Variants in KARS1 observed in about 807,000 individuals in gnomAD.
The protein encoded by KARS1 is lysine--tRNA ligase.
In KARS1, 50 loss-of-function variants were observed where a neutral mutation model predicts 63.9. The ratio of observed to expected loss-of-function variants is 0.78; its 90% CI spans 0.62 to 0.99. The LOEUF (loss-of-function observed/expected upper bound fraction) is 0.99, where lower values mean the gene tolerates loss of function less well. KARS1 is among the 50% of genes least tolerant of loss of function. KARS1 has a pLI of 0.00. For missense variants in KARS1, 816 were observed against 754.5 expected, an observed-to-expected ratio of 1.08 and a Z score of -0.95; for synonymous variants, 320 against 264.6, an observed-to-expected ratio of 1.21 and a Z score of -2.03.
At chr16:75,644,230 G>A (rs2082255759) in intron 1 of KARS1, 1 of 1,508,468 alleles carries the variant, frequency 6.6e-7, no homozygotes, top group African/African-American at 1.4e-5. Context: ...AATGAACCAA[G>A]TAAGGAAATA....
chr16:75,634,061 T>C, intron 7 of KARS1, 112 bp downstream of exon 7: 1 of 1,189,310 alleles, frequency 8.4e-7, no homozygotes, highest in Non-Finnish European at 1.2e-6. Flanking sequence ...CAGAACACTT[T>C]CTTGGCTGCT....
chr16:75,639,701 T>C (rs2082202130), intron 3 of KARS1: 1 of 159,232 alleles, frequency 6.3e-6, no homozygotes, highest in African/African-American at 2.4e-5. Flanking sequence ...ACCTTCTCTC[T>C]GTGCTTCTTT....
chr16:75,631,770 T>C lies in KARS1; in HGVS notation c.1001A>G (p.Glu334Gly). ...CATGTAGAACTCACAGGTGGTGAAC[T>C]CAGGATTGTGCGTCAAATCAATCCC... ...NEGIDLTHNP[E>G]FTTCEFYMAY... Residue 334 changes from glutamate to glycine, a missense_variant, in exon 8 of 14, where the codon GAG becomes GGG. Physicochemically the swap from Glu to Gly is moderately conservative, Grantham distance 98 (BLOSUM62 -2). Transcript: ENST00000302445. 1 of 1,614,202 alleles carries C rather than the reference T, an allele frequency of 6.2e-7. No homozygotes were observed. Among genetic ancestry groups the C allele is most frequent in the Non-Finnish European group, 8.5e-7 (1 of 1,180,014 alleles).
chr16:75,640,220 C>T lies in KARS1; in HGVS notation c.352G>A (p.Gly118Arg). ...AAGGTGATGTCAGTCAGGTGATCCCCAGGCTGCAGGTGACTATATTTTTGG... is the reference window on the plus strand; with the variant it reads ...AAGGTGATGTCAGTCAGGTGATCCCTAGGCTGCAGGTGACTATATTTTTGG... ...FIQKYSHLQPGDHLTDITLKV... is the reference protein window; with the variant it reads ...FIQKYSHLQPRDHLTDITLKV... Residue 118 changes from glycine (G) to arginine (R), a missense_variant, in exon 3 of 14, where the codon GGG becomes AGG. Gly to Arg is a moderately radical substitution (Grantham distance 125). Transcript: ENST00000302445. 6.2e-7 allele frequency: 1 copy of T among 1,614,140 alleles called. No homozygotes were observed.
intron 1 of KARS1, chr16:75,644,164 G>C (rs181318295): frequency 1.2e-6 from 1 of 815,372 alleles, no homozygotes; most frequent in Admixed American, 2.5e-5. Context: ...TTTGGTATTA[G>C]GGCTCCTTGT....
In KARS1 at chr16:75,647,617, TCGGCCGCCTGCA is replaced by T. The variant is rs1208113114; in HGVS notation, c.11_22del (p.Val4_Ala7del). The T allele has an allele frequency of 6.2e-7, 1 of 1,613,220 alleles. No homozygotes were observed. Among genetic ancestry groups the T allele is most frequent in the Non-Finnish European group, 8.5e-7 (1 of 1,179,816 alleles). On this transcript the variant is annotated inframe_deletion, in exon 1 of 14. Coordinates refer to ENST00000302445, the MANE Select transcript of KARS1 (RefSeq NM_005548.3). ...CGGCTCGCTGCCATCCACTTTCACC[TCGGCCGCCTGCA>T]CGGCCGCCATCTTCCCGGAGGGCCC...
chr16:75,627,881 G>A lies in KARS1; in HGVS notation c.*14C>T, dbSNP rs1228748317. 5 of 1,418,142 alleles carry A rather than the reference G, an allele frequency of 3.5e-6. No individual in the cohort carries two copies. The South Asian group carries it at 5.7e-5, about 16-fold the overall frequency. The allele number at this position is 1,418,142 out of a possible 1,614,324, so 87.8% of individuals were successfully genotyped here. A position where few individuals can be genotyped will look rare whatever the true frequency, so the allele number is the denominator to read the frequency against. ...CAAAGACGCCTGAGTTATACAACTT[G>A]CAATTATTATTTTCTAGACAGAAGT... On this transcript the variant is annotated 3_prime_UTR_variant, in exon 14 of 14. Coordinates refer to ENST00000302445, the MANE Select transcript of KARS1 (RefSeq NM_005548.3).
chr16:75,643,227 C>T (rs1008095312), intron 1 of KARS1, among the ~76,000 whole-genome samples: 11 of 152,006 alleles, frequency 7.2e-5, no homozygotes, highest in Admixed American at 2.0e-4. Flanking sequence ...TCTTTCAAAC[C>T]GCTGAACATA....
At chr16:75,636,872 T>G (rs1054220498) in intron 3 of KARS1, among the ~76,000 whole-genome samples, 3 of 151,650 alleles carry the variant, frequency 2.0e-5, no homozygotes, top group Non-Finnish European at 4.4e-5. Context: ...ACTCCTGGGC[T>G]GAAGTGATCC....
intron 6 of KARS1, 39 bp downstream of exon 6, chr16:75,635,641 C>A: frequency 7.4e-6 from 12 of 1,611,800 alleles, no homozygotes; most frequent in Non-Finnish European, 1.0e-5. Context: ...GCAAGCATTG[C>A]AAGGCAGCTC....
intron 12 of KARS1, 86 bp downstream of exon 12, chr16:75,629,329 G>T: frequency 2.6e-6 from 4 of 1,547,216 alleles, no homozygotes; most frequent in Admixed American, 1.7e-5. Context: ...AAGTCACCAA[G>T]AACGTATACG....
At chr16:75,635,371 T>G (rs2082150837) in intron 6 of KARS1, 2 of 350,966 alleles carry the variant, frequency 5.7e-6, no homozygotes, top group Non-Finnish European at 1.1e-5. Context: ...ATGGTACGTG[T>G]GTTTGCCTTT....
At chr16:75,629,608 CTTTT>C in intron 11 of KARS1, 67 bp from the exon 12 acceptor site, 2 of 1,560,138 alleles carry the variant, frequency 1.3e-6, no homozygotes, top group Non-Finnish European at 1.8e-6. Context: ...TTTGTTTTTT[CTTTT>C]TTTTTGAGAC....
chr16:75,642,556 C>T (rs960742576), intron 1 of KARS1, among the ~76,000 whole-genome samples: 1 of 152,092 alleles, frequency 6.6e-6, no homozygotes, highest in Admixed American at 6.5e-5. Flanking sequence ...GCTACCCCCT[C>T]TCTCTATCCC....
intron 3 of KARS1, among the ~76,000 whole-genome samples, chr16:75,638,782 A>C (rs1880260995): frequency 6.6e-6 from 1 of 152,258 alleles, no homozygotes; most frequent in Non-Finnish European, 1.5e-5. Context: ...ATAAAGTGAC[A>C]ATTATCGAAA....
chr16:75,643,945 T>C (rs1266117680), intron 1 of KARS1, among the ~76,000 whole-genome samples: 1 of 152,210 alleles, frequency 6.6e-6, no homozygotes, highest in African/African-American at 2.4e-5. Flanking sequence ...GTCCTAGGGA[T>C]AGCACTAAGA....
At chr16:75,642,185 CTTTTTTTTTTTTTTTT>C (rs148991591) in intron 1 of KARS1, among the ~76,000 whole-genome samples, 8,512 of 63,866 alleles carry the variant, frequency 0.13, 506 homozygotes, top group African/African-American at 0.19. Flanking sequence ...AGTGCCAGGT[CTTTTTTTTTTTTTTTT>C]TTTTTTTTTT....
chr16:75,634,291 A>G lies in KARS1; in HGVS notation c.797T>C (p.Ile266Thr), dbSNP rs762673443. Residue 266 changes from isoleucine to threonine, a missense_variant and splice_region_variant, in exon 7 of 14, where the codon ATT becomes ACT. By Grantham distance (89) the Ile-to-Thr change is moderately conservative. Transcript: ENST00000302445. ...GATGATGTTCATCATGGGAGTTTCA[A>G]TCTAAAAAAGGCAGGGAGAAACATC... ...SFLDELGFLE[I>T]ETPMMNIIPG... is the part of the protein sequence containing the mutation. The G allele has an allele frequency of 2.2e-5, 35 of 1,613,904 alleles. No individual in the cohort carries two copies. In the Admixed American group the frequency reaches 2.7e-4, roughly 12 times the overall value.
intron 3 of KARS1, among the ~76,000 whole-genome samples, chr16:75,638,478 G>A (rs1485124484): frequency 6.6e-6 from 1 of 151,832 alleles, no homozygotes; most frequent in African/African-American, 2.4e-5. Context: ...GAGTGAGTAC[G>A]TGCCGTGAAA....
Sources: gnomAD v4.1 joint callset for allele counts (sites outside exome capture counted in the v4.1 genomes callset) on GRCh38, gnomAD v4.1.1 for gene constraint, MANE v1.5 for transcripts, NCBI Gene and HGNC (gene_info 2026-07-23, HGNC 2026-07-21) for gene names.